The following C1orf185 variants were observed in gnomAD, a reference collection of about 807,000 sequenced individuals.
The protein encoded by C1orf185 is uncharacterized protein C1orf185.
In C1orf185, 13 loss-of-function variants were observed where a neutral mutation model predicts 16.1. That is an observed-to-expected ratio of 0.81 (90% confidence interval 0.53 to 1.28). The LOEUF (loss-of-function observed/expected upper bound fraction) is 1.28. Among genes scored for constraint, C1orf185 ranks in the 50% most tolerant of loss-of-function variants. C1orf185 has a pLI of 0.00. For synonymous variants in C1orf185, 80 were observed against 76.9 expected (o/e 1.04, Z -0.21); for missense variants, 220 against 225.2 (o/e 0.98, Z 0.15).
intron 1 of C1orf185, among the ~76,000 whole-genome samples, chr1:51,111,375 T>C (rs1174172722): frequency 4.8e-5 from 6 of 126,274 alleles, no homozygotes; most frequent in Non-Finnish European, 7.7e-5. Flanking sequence ...TCTTTCTTTC[T>C]TTTTTTTTTT....
At chr1:51,117,833 C>T (rs991123792) in intron 2 of C1orf185, among the ~76,000 whole-genome samples, 4 of 152,164 alleles carry the variant, frequency 2.6e-5, no homozygotes, top group African/African-American at 9.7e-5. Context: ...TTTTCTTTAA[C>T]TCTCTCTCAC....
intron 3 of C1orf185, among the ~76,000 whole-genome samples, chr1:51,131,075 T>C (rs1398209195): frequency 6.6e-6 from 1 of 152,134 alleles, no homozygotes; most frequent in Non-Finnish European, 1.5e-5. Context: ...GCTAATTTTG[T>C]ATTTTTAGTA....
chr1:51,102,649 A>G (rs1272456082), intron 1 of C1orf185, among the ~76,000 whole-genome samples: 1 of 151,404 alleles, frequency 6.6e-6, no homozygotes, highest in Non-Finnish European at 1.5e-5. Context: ...TATGCCTTCT[A>G]TTTTTTTCAT....
intron 3 of C1orf185, among the ~76,000 whole-genome samples, chr1:51,134,771 G>C (rs1326904992): frequency 6.6e-6 from 1 of 152,058 alleles, no homozygotes; most frequent in Admixed American, 6.6e-5. Flanking sequence ...TAAATTCCTG[G>C]ACACATACTT....
At chr1:51,127,885 G>GTTTT (rs769457494) in intron 3 of C1orf185, among the ~76,000 whole-genome samples, 29 of 115,324 alleles carry the variant, frequency 2.5e-4, no homozygotes, top group Non-Finnish European at 3.5e-4. Flanking sequence ...TCTTTTCTTT[G>GTTTT]TTTTTTTTTT....
intron 1 of C1orf185, among the ~76,000 whole-genome samples, chr1:51,111,596 G>C (rs909452930): frequency 6.6e-6 from 1 of 151,418 alleles, no homozygotes; most frequent in Non-Finnish European, 1.5e-5. Flanking sequence ...CTCGGTTTAC[G>C]ACAACTTCCA....
At position 51,123,380 on chromosome 1, in the gene C1orf185, C is replaced by A. The variant is rs191444345; in HGVS notation, c.258+4579C>A. Among the ~76,000 whole-genome samples the A allele has an allele frequency of 2.0e-5, 3 of 152,252 alleles. No homozygotes were observed. The East Asian group carries it at 5.8e-4, about 29-fold the overall frequency. On this transcript the variant is annotated intron_variant, in intron 3 of 4. Transcript: ENST00000371759. ...TTTCTTTTTAGCACGGAATAATGTT[C>A]CATTGTATACCATAGTTTATTTATC...
chr1:51,147,431 G>A, intron 4 of C1orf185, 36 bp from the exon 5 acceptor site: 1 of 1,453,540 alleles, frequency 6.9e-7, no homozygotes, highest in Non-Finnish European at 9.1e-7. Context: ...GTTGGCTTGT[G>A]AATATATAAT....
intron 3 of C1orf185, among the ~76,000 whole-genome samples, chr1:51,140,565 C>T (rs1413728225): frequency 1.3e-5 from 2 of 152,072 alleles, no homozygotes; most frequent in Admixed American, 1.3e-4. Context: ...GAATTGGTAT[C>T]GTTTATTCCC....
intron 1 of C1orf185, among the ~76,000 whole-genome samples, chr1:51,109,553 A>T (rs1020476369): frequency 6.6e-6 from 1 of 151,606 alleles, no homozygotes; most frequent in Non-Finnish European, 1.5e-5. Context: ...GGGCTCTTAC[A>T]TTTAAGTCTT....
At chr1:51,105,782 T>C (rs886393934) in intron 1 of C1orf185, among the ~76,000 whole-genome samples, 1 of 152,200 alleles carries the variant, frequency 6.6e-6, no homozygotes, top group African/African-American at 2.4e-5. Context: ...TATCTTTGTA[T>C]ATAATACGAC....
chr1:51,113,423 C>G (rs1014371418), intron 2 of C1orf185, among the ~76,000 whole-genome samples: 3 of 151,890 alleles, frequency 2.0e-5, no homozygotes, highest in Non-Finnish European at 4.4e-5. Context: ...GTGGCTCACA[C>G]CTATAATCCC....
chr1:51,112,460 A>G lies in C1orf185; in HGVS notation c.17-4A>G, dbSNP rs1347169241. ...AAATAATCTTTTGTAATTTGTTTGT[A>G]TAGGTTTTTTTAATTACTTGACCTA... On this transcript the variant is annotated splice_polypyrimidine_tract_variant and splice_region_variant and intron_variant, in intron 1 of 4. Coordinates refer to ENST00000371759, the MANE Select transcript of C1orf185 (RefSeq NM_001136508.2). The G allele has an allele frequency of 3.3e-6, 5 of 1,532,398 alleles. No individual in the cohort carries two copies. Among genetic ancestry groups the G allele is most frequent in the African/African-American group, 2.8e-5 (2 of 71,682 alleles). The allele number at this position is 1,532,398 out of a possible 1,614,324, so 94.9% of individuals were successfully genotyped here.
chr1:51,130,163 A>G (rs1274181745), intron 3 of C1orf185, among the ~76,000 whole-genome samples: 1 of 152,178 alleles, frequency 6.6e-6, no homozygotes, highest in Admixed American at 6.5e-5. Context: ...TTCTGTAGAG[A>G]TAAGTTTTCA....
intron 4 of C1orf185, among the ~76,000 whole-genome samples, chr1:51,146,995 A>G (rs1557654808): frequency 1.3e-5 from 2 of 152,224 alleles, no homozygotes; most frequent in Middle Eastern, 3.4e-3. Flanking sequence ...CTTTGCTCCA[A>G]GTAGAAACTA....
At chr1:51,134,357 A>G (rs966312903) in intron 3 of C1orf185, among the ~76,000 whole-genome samples, 18 of 152,140 alleles carry the variant, frequency 1.2e-4, no homozygotes, top group Admixed American at 3.3e-4. Context: ...AAAGAGAAAC[A>G]TATAGCACTA....
At position 51,127,159 on chromosome 1, in the gene C1orf185, G is replaced by A. The variant is rs113374210; in HGVS notation, c.258+8358G>A. Reference sequence around the variant, plus strand: ...ATATTCCACTTAATGAACATTGACAGCTGTATATACATTCAACCAACACCT... The same window carrying A: ...ATATTCCACTTAATGAACATTGACAACTGTATATACATTCAACCAACACCT... On this transcript the variant is annotated intron_variant, in intron 3 of 4. Transcript: ENST00000371759. 5.3e-3 allele frequency among the ~76,000 whole-genome samples: 803 copies of A among 152,222 alleles called. 6 individuals carry two copies. Among genetic ancestry groups the A allele is most frequent in the Non-Finnish European group, 9.1e-3 (620 of 68,014 alleles).
At chr1:51,146,128 A>G (rs1370570906) in intron 4 of C1orf185, among the ~76,000 whole-genome samples, 4 of 152,106 alleles carry the variant, frequency 2.6e-5, no homozygotes, top group Non-Finnish European at 2.9e-5. Context: ...ATAACAAGAT[A>G]TTTTGCAGAG....
intron 2 of C1orf185, among the ~76,000 whole-genome samples, chr1:51,116,309 C>A (rs113121920): frequency 0.014 from 2,072 of 150,146 alleles, 55 homozygotes; most frequent in African/African-American, 0.048. Flanking sequence ...ATCAAGTCAC[C>A]CTACCCTTTT....
Sources: allele counts gnomAD v4.1 joint callset (sites outside exome capture counted in the v4.1 genomes callset), GRCh38; gene constraint gnomAD v4.1.1; transcripts MANE v1.5; gene names NCBI Gene and HGNC (gene_info 2026-07-23, HGNC 2026-07-21).